ABCA5: variants seen among roughly 807,000 people sequenced by gnomAD.
ABCA5 encodes cholesterol transporter ABCA5.
A neutral mutation model predicts 206.0 loss-of-function variants in ABCA5; 163 were observed. The observed-to-expected ratio is 0.79, with a 90% CI of 0.70 to 0.90. ABCA5 has a LOEUF of 0.90. Among genes scored for constraint, ABCA5 ranks in the 40% least tolerant of loss-of-function variants. The pLI, the probability that ABCA5 is intolerant of heterozygous loss-of-function variation, is 0.00. For missense variants in ABCA5, 1,859 were observed against 1,912.9 expected, an observed-to-expected ratio of 0.97 and a Z score of 0.53; for synonymous variants, 609 against 613.8, an observed-to-expected ratio of 0.99 and a Z score of 0.11.
At chr17:69,276,201 C>T (rs1164584699) in intron 19 of ABCA5, among the ~76,000 whole-genome samples, 1 of 152,178 alleles carries the variant, frequency 6.6e-6, no homozygotes, top group African/African-American at 2.4e-5. Flanking sequence ...ATTCTCCTGC[C>T]TCAGCCTCTC....
At chr17:69,305,294 A>G (rs992685882) in intron 6 of ABCA5, among the ~76,000 whole-genome samples, 1 of 152,218 alleles carries the variant, frequency 6.6e-6, no homozygotes, top group Admixed American at 6.5e-5. Context: ...AATCAACAAG[A>G]TCAGTAATGA....
At chr17:69,290,399 T>G (rs2075513263) in intron 12 of ABCA5, among the ~76,000 whole-genome samples, 2 of 152,136 alleles carry the variant, frequency 1.3e-5, no homozygotes, top group Admixed American at 1.3e-4. Context: ...TAACTAGCTG[T>G]GTGGTCATGG....
chr17:69,302,729 C>G lies in ABCA5; in HGVS notation c.1108G>C (p.Gly370Arg). The change falls in exon 8 of 39, where the codon GGT becomes CGT. Residue 370 changes from glycine to arginine, a missense_variant. Gly to Arg is a moderately radical substitution (Grantham distance 125). Coordinates refer to ENST00000392676, the MANE Select transcript of ABCA5 (RefSeq NM_172232.4). ...SPFCHCTFVI[G>R]IAQVMHLEDF... ...AATATATTACCTACCTGTGCAATAC[C>G]AATCACAAAAGTACAGTGACAGAAA... 6.4e-7 allele frequency: 1 copy of G among 1,561,028 alleles called. No homozygotes were observed. The highest frequency in any genetic ancestry group is 8.6e-7 in the Non-Finnish European group (1 of 1,163,412).
In ABCA5 at chr17:69,320,308, G is replaced by A. The variant is rs185194385; in HGVS notation, c.-15-5878C>T. Among the ~76,000 whole-genome samples the A allele has an allele frequency of 4.7e-3, 711 of 152,240 alleles. 4 individuals are homozygous for A. Among genetic ancestry groups the A allele is most frequent in the African/African-American group, 0.016 (683 of 41,532 alleles). ...GAACTTCATTTAAAGACGAATTAGT[G>A]AGCTAAATTGAAGCGTGAGTCAAAG... On this transcript the variant is annotated intron_variant, in intron 1 of 38. Transcript: ENST00000392676.
chr17:69,325,627 T>C (rs891334402), intron 1 of ABCA5: 7 of 152,158 alleles, frequency 4.6e-5, no homozygotes, highest in African/African-American at 1.7e-4. Context: ...ATCTGGAATG[T>C]AAAAGACATG....
chr17:69,311,015 G>A (rs2145035206), intron 3 of ABCA5, among the ~76,000 whole-genome samples: 1 of 152,226 alleles, frequency 6.6e-6, no homozygotes, highest in South Asian at 2.1e-4. Context: ...GTAGCATGGC[G>A]AAACCCTGTC....
intron 1 of ABCA5, among the ~76,000 whole-genome samples, chr17:69,322,238 C>T (rs2075870312): frequency 2.6e-5 from 4 of 151,238 alleles, no homozygotes; most frequent in South Asian, 2.1e-4. Flanking sequence ...GGTGTGGTGG[C>T]GGGCACCTGT....
chr17:69,261,255 G>A lies in ABCA5; in HGVS notation c.3434C>T (p.Ala1145Val), dbSNP rs763638212. 1.0e-4 allele frequency: 164 copies of A among 1,585,610 alleles called. No individual in the cohort carries two copies. Among genetic ancestry groups the A allele is most frequent in the South Asian group, 7.0e-4 (59 of 83,742 alleles). The change falls in exon 26 of 39, where the codon GCG (alanine) becomes GTG (valine). Residue 1145 changes from alanine (A) to valine (V), a missense_variant. Physicochemically the swap from Ala to Val is moderately conservative, Grantham distance 64. Coordinates refer to ENST00000392676, the MANE Select transcript of ABCA5 (RefSeq NM_172232.4). ...EFWSFIYSVA[A>V]LACIAITEIT... ...TTCAGTGATTGCAATACAAGCCAAC[G>A]CTGCCTAAAGAAAAAAATAAATAAA...
In ABCA5 at chr17:69,302,758, C is replaced by T; in HGVS notation, c.1079G>A (p.Ser360Asn). The T allele has an allele frequency of 6.3e-7, 1 of 1,592,698 alleles. No individual in the cohort carries two copies. Residue 360 changes from serine (S) to asparagine (N), a missense_variant, in exon 8 of 39, where the codon AGT (serine) becomes AAT (asparagine). By Grantham distance (46) the Ser-to-Asn change is conservative. Coordinates refer to ENST00000392676, the MANE Select transcript of ABCA5 (RefSeq NM_172232.4). ...CACAAAAGTACAGTGACAGAAAGGACTGAAAAGCCACACTAACGATTTGGG... is the reference window on the plus strand; with the variant it reads ...CACAAAAGTACAGTGACAGAAAGGATTGAAAAGCCACACTAACGATTTGGG... Reference protein sequence around the residue: ...SFPKSLVWLFSPFCHCTFVIG... With the variant: ...SFPKSLVWLFNPFCHCTFVIG...
rs1348074401 is a variant in ABCA5, at chr17:69,294,653, A to G, written c.1495+2T>C. On this transcript the variant is annotated splice_donor_variant, in intron 11 of 38. Coordinates refer to ENST00000392676, the MANE Select transcript of ABCA5 (RefSeq NM_172232.4). LOFTEE classifies it high-confidence loss of function. ...GGCCTGAATACTAGGAAAACTACTT[A>G]CTTCTCAAAGCCTCCACATTTTCAC... The G allele has an allele frequency of 6.2e-7, 1 of 1,601,478 alleles. No individual in the cohort carries two copies. Among genetic ancestry groups the G allele is most frequent in the Non-Finnish European group, 8.5e-7 (1 of 1,170,396 alleles).
At chr17:69,274,214 A>G (rs1041956853) in intron 19 of ABCA5, 86 bp from the exon 20 acceptor site, 3 of 1,304,992 alleles carry the variant, frequency 2.3e-6, no homozygotes, top group Non-Finnish European at 3.1e-6. Flanking sequence ...TCACATTGAT[A>G]TGGACTTTTT....
chr17:69,298,673 C>A (rs770341015), intron 9 of ABCA5, among the ~76,000 whole-genome samples: 48 of 141,656 alleles, frequency 3.4e-4, no homozygotes, highest in Non-Finnish European at 5.9e-4. Flanking sequence ...ATCCTCATCT[C>A]TCACCCTATA....
chr17:69,271,077 A>G (rs2075268124), intron 21 of ABCA5, 85 bp downstream of exon 21: 1 of 1,479,016 alleles, frequency 6.8e-7, no homozygotes, highest in African/African-American at 1.4e-5. Context: ...TCATAAGGTC[A>G]AATCAACAAA....
At chr17:69,259,483 T>C (rs1567752941) in intron 28 of ABCA5, among the ~76,000 whole-genome samples, 1 of 151,958 alleles carries the variant, frequency 6.6e-6, no homozygotes, top group East Asian at 1.9e-4. Context: ...CATTGTCCAG[T>C]TATATAAAGT....
At chr17:69,292,598 T>C (rs544478505) in intron 11 of ABCA5, among the ~76,000 whole-genome samples, 146 of 152,334 alleles carry the variant, frequency 9.6e-4, no homozygotes, top group African/African-American at 3.2e-3. Flanking sequence ...TTTCATTCTC[T>C]TGCTTCTTTG....
chr17:69,271,072 A>C, intron 21 of ABCA5, 90 bp downstream of exon 21: 1 of 1,441,244 alleles, frequency 6.9e-7, no homozygotes, highest in Non-Finnish European at 9.2e-7. Flanking sequence ...CTAACTCATA[A>C]GGTCAAATCA....
chr17:69,301,016 T>C, intron 9 of ABCA5, 123 bp downstream of exon 9: 2 of 814,850 alleles, frequency 2.5e-6, no homozygotes, highest in Admixed American at 5.9e-5. Flanking sequence ...AATTAAAAGC[T>C]TTAACAATGA....
chr17:69,277,598 T>C (rs1365036356), intron 19 of ABCA5, 43 bp downstream of exon 19: 2 of 1,495,396 alleles, frequency 1.3e-6, no homozygotes, highest in Non-Finnish European at 1.8e-6. Context: ...TGTGTATCCT[T>C]AAAAAGCAAT....
chr17:69,317,682 T>C (rs551779714), intron 1 of ABCA5: 23 of 152,286 alleles, frequency 1.5e-4, no homozygotes, highest in South Asian at 4.1e-4. Context: ...AAAAATAACA[T>C]TGAATGATCT....
Sources: allele counts gnomAD v4.1 joint callset (sites outside exome capture counted in the v4.1 genomes callset), GRCh38; gene constraint gnomAD v4.1.1; transcripts MANE v1.5; gene names NCBI Gene and HGNC (gene_info 2026-07-23, HGNC 2026-07-21).